Variants in MRLN observed in about 807,000 individuals in gnomAD.
MRLN encodes the protein Linc-RNA activator of myogenesis.
intron 2 of MRLN, among the ~76,000 whole-genome samples, chr10:59,737,642 AC>A (rs1259480569): frequency 6.7e-6 from 1 of 148,714 alleles, no homozygotes; most frequent in Non-Finnish European, 1.5e-5. Context: ...AAAGGCAGGT[AC>A]TGATCAAAAA....
intron 1 of MRLN, among the ~76,000 whole-genome samples, chr10:59,744,472 G>GCCCCGTCCGGGAGGTGGGGGGCAGC: frequency 1.3e-5 from 2 of 149,524 alleles, no homozygotes; most frequent in African/African-American, 4.9e-5. Context: ...CCGGCCAGCC[G>GCCCCGTCCGGGAGGTGGGGGGCAGC]CCCCGTCCGG....
At chr10:59,737,875 G>T (rs780651172) in intron 2 of MRLN, among the ~76,000 whole-genome samples, 15 of 152,064 alleles carry the variant, frequency 9.9e-5, no homozygotes, top group African/African-American at 4.8e-5. Context: ...CCTTTTACAG[G>T]GGATGTAAAG....
At chr10:59,739,044 A>C (rs1451437136) in intron 1 of MRLN, 2 of 151,700 alleles carry the variant, frequency 1.3e-5, no homozygotes, top group African/African-American at 4.8e-5. Context: ...TATTGTTTGA[A>C]CCCAGGAGGC....
At chr10:59,743,437 G>A (rs963907239) in intron 1 of MRLN, among the ~76,000 whole-genome samples, 1 of 152,108 alleles carries the variant, frequency 6.6e-6, no homozygotes, top group African/African-American at 2.4e-5. Flanking sequence ...TTTAATGAAA[G>A]TATGTAACTT....
chr10:59,748,053 T>A (rs1158143388), intron 1 of MRLN, among the ~76,000 whole-genome samples: 1 of 149,652 alleles, frequency 6.7e-6, no homozygotes, highest in Non-Finnish European at 1.5e-5. Flanking sequence ...ACTTGAGAAA[T>A]CATATGAGAA....
intron 1 of MRLN, among the ~76,000 whole-genome samples, chr10:59,741,081 A>G (rs1181052778): frequency 6.6e-6 from 1 of 152,206 alleles, no homozygotes; most frequent in Non-Finnish European, 1.5e-5. Flanking sequence ...TACAGAGGTG[A>G]GCCACCAGTC....
intron 1 of MRLN, among the ~76,000 whole-genome samples, chr10:59,743,874 C>T (rs1055908804): frequency 1.3e-5 from 2 of 152,272 alleles, no homozygotes; most frequent in South Asian, 4.1e-4. Context: ...CCATGTTGGC[C>T]GGGCTGGTCT....
At chr10:59,751,066 A>G (rs765168520) in intron 1 of MRLN, among the ~76,000 whole-genome samples, 4 of 151,710 alleles carry the variant, frequency 2.6e-5, no homozygotes, top group Non-Finnish European at 5.9e-5. Context: ...TGCAACACAC[A>G]CTCCTTGGTA....
intron 1 of MRLN, among the ~76,000 whole-genome samples, chr10:59,748,091 GT>G (rs796457239): frequency 0.012 from 1,630 of 135,830 alleles, 24 homozygotes; most frequent in African/African-American, 0.038. Context: ...TTTTTCTTTT[GT>G]TTTTTTTTTT....
intron 1 of MRLN, among the ~76,000 whole-genome samples, chr10:59,752,863 C>T (rs1275512913): frequency 1.3e-5 from 2 of 152,164 alleles, no homozygotes; most frequent in Non-Finnish European, 2.9e-5. Context: ...AAGACAGGTG[C>T]CCTCTCTGAT....
intron 1 of MRLN, among the ~76,000 whole-genome samples, chr10:59,748,614 G>A (rs1328132316): frequency 6.6e-6 from 1 of 152,142 alleles, no homozygotes; most frequent in East Asian, 1.9e-4. Context: ...AAATACTAAC[G>A]AAATGTTGGT....
chr10:59,747,043 G>A lies in MRLN; in HGVS notation c.-125+6311C>T, dbSNP rs185101089. ...TTGAACTCCCAACCTCAGGTGATCC[G>A]TCCGCCTCATCCTCCCAAAGTGCTG... On this transcript the variant is annotated intron_variant, in intron 1 of 2. Transcript: ENST00000414264. Among the ~76,000 whole-genome samples, 1,299 of 152,252 alleles carry A rather than the reference G, an allele frequency of 8.5e-3. 9 individuals carry two copies. The highest frequency in any genetic ancestry group is 0.014 in the Non-Finnish European group (934 of 68,014).
chr10:59,750,062 CTTTTTTTTTTTTT>C (rs71006289), intron 1 of MRLN, among the ~76,000 whole-genome samples: 1 of 58,822 alleles, frequency 1.7e-5, no homozygotes, highest in Non-Finnish European at 2.9e-5. Context: ...CTCTCTCTCT[CTTTTTTTTTTTTT>C]TTTTTTTTTT....
intron 1 of MRLN, among the ~76,000 whole-genome samples, chr10:59,750,538 T>C (rs1841091402): frequency 6.6e-6 from 1 of 152,260 alleles, no homozygotes; most frequent in Admixed American, 6.5e-5. Context: ...CTCTTGAAGG[T>C]TAAAGTTTCT....
At chr10:59,750,777 G>A (rs541152621) in intron 1 of MRLN, among the ~76,000 whole-genome samples, 3 of 152,358 alleles carry the variant, frequency 2.0e-5, no homozygotes, top group South Asian at 2.1e-4. Flanking sequence ...TCAGCTGTGC[G>A]AGGCTTCCTC....
At chr10:59,742,282 C>T (rs567767119) in intron 1 of MRLN, among the ~76,000 whole-genome samples, 47 of 152,168 alleles carry the variant, frequency 3.1e-4, no homozygotes, top group African/African-American at 1.1e-3. Flanking sequence ...ATGAATCTTA[C>T]AAATATACCA....
At chr10:59,741,018 G>A (rs1283057723) in intron 1 of MRLN, among the ~76,000 whole-genome samples, 1 of 152,052 alleles carries the variant, frequency 6.6e-6, no homozygotes, top group Non-Finnish European at 1.5e-5. Context: ...GGCTGGTCTT[G>A]AGCTCCTCCC....
intron 1 of MRLN, among the ~76,000 whole-genome samples, chr10:59,753,133 A>G (rs925673289): frequency 6.6e-6 from 1 of 152,100 alleles, no homozygotes; most frequent in Non-Finnish European, 1.5e-5. Flanking sequence ...TAGAAATCTA[A>G]TTCATTGGTC....
chr10:59,738,765 A>G (rs144038340), intron 1 of MRLN: 1 of 152,226 alleles, frequency 6.6e-6, no homozygotes, highest in Non-Finnish European at 1.5e-5. Flanking sequence ...AACATTGGAC[A>G]GAAAGATTAA....
Sources: allele counts gnomAD v4.1 joint callset (sites outside exome capture counted in the v4.1 genomes callset), GRCh38; gene constraint gnomAD v4.1.1; transcripts MANE v1.5; gene names NCBI Gene and HGNC (gene_info 2026-07-23, HGNC 2026-07-21).